Variants in SYT9 observed in about 807,000 individuals in gnomAD.
SYT9 encodes the protein synaptotagmin-9.
A neutral mutation model predicts 48.4 loss-of-function variants in SYT9; 22 were observed. The ratio of observed to expected loss-of-function variants is 0.45; its 90% CI spans 0.32 to 0.65. SYT9 has a LOEUF of 0.65. Ranked by LOEUF, SYT9 falls within the 30% of genes least tolerant of loss-of-function variation. The probability of loss-of-function intolerance (pLI) is 0.03; values close to 1 mark genes in which losing one functional copy is unlikely to be tolerated. For missense variants in SYT9, 577 were observed against 622.0 expected (o/e 0.93, Z 0.77); for synonymous variants, 265 against 245.0 (o/e 1.08, Z -0.76).
chr11:7,243,106 G>GAAAGAACATTTCTGAAAAGT (rs1226888058), intron 1 of SYT9, among the ~76,000 whole-genome samples: 2 of 151,174 alleles, frequency 1.3e-5, no homozygotes, highest in Non-Finnish European at 3.0e-5. Context: ...TAACATTTCT[G>GAAAGAACATTTCTGAAAAGT]AAAGAACATT....
At position 7,313,385 on chromosome 11, in the gene SYT9, T is replaced by C; in HGVS notation, c.498-10T>C. The C allele has an allele frequency of 6.3e-7, 1 of 1,598,798 alleles. No homozygotes were observed. Among genetic ancestry groups the C allele is most frequent in the South Asian group, 1.1e-5 (1 of 87,558 alleles). ...GTTATAACTTTGTTCTGTGTTGCTC[T>C]TCATTCAAGGCATAATTCAATCCGA... On this transcript the variant is annotated splice_polypyrimidine_tract_variant and intron_variant, in intron 2 of 6. Coordinates refer to ENST00000318881, the MANE Select transcript of SYT9 (RefSeq NM_175733.4).
chr11:7,432,580 AAAATATATATACATATATAT>A (rs1847617782), intron 6 of SYT9, among the ~76,000 whole-genome samples: 4 of 6,178 alleles, frequency 6.5e-4, no homozygotes, highest in African/African-American at 2.0e-3. Flanking sequence ...AAAAAAAAAA[AAAATATATATACATATATAT>A]ATATATATAT....
chr11:7,442,385 C>T (rs976765736), intron 6 of SYT9, among the ~76,000 whole-genome samples: 12 of 152,160 alleles, frequency 7.9e-5, no homozygotes, highest in Non-Finnish European at 1.2e-4. Context: ...GTGTCAGACC[C>T]GTCTTTCGGA....
At chr11:7,463,255 G>T (rs185555457) in intron 6 of SYT9, among the ~76,000 whole-genome samples, 2 of 152,150 alleles carry the variant, frequency 1.3e-5, no homozygotes, top group African/African-American at 4.8e-5. Context: ...TTAAACCACC[G>T]TTACTGTCTC....
chr11:7,270,774 G>A, intron 1 of SYT9, among the ~76,000 whole-genome samples: 1 of 151,782 alleles, frequency 6.6e-6, no homozygotes, highest in South Asian at 2.1e-4. Flanking sequence ...TTAATTTCTT[G>A]TGAAAAGCTG....
intron 3 of SYT9, among the ~76,000 whole-genome samples, chr11:7,408,528 T>G (rs1263621734): frequency 6.6e-6 from 1 of 152,262 alleles, no homozygotes; most frequent in Non-Finnish European, 1.5e-5. Context: ...TAGTGTTTTG[T>G]AGTTTTTCTT....
intron 3 of SYT9, among the ~76,000 whole-genome samples, chr11:7,358,753 G>A (rs2134012740): frequency 6.6e-6 from 1 of 152,250 alleles, no homozygotes; most frequent in East Asian, 1.9e-4. Context: ...ATTGTCTAAT[G>A]TTAAGTCATC....
At chr11:7,426,122 T>G (rs74053659) in intron 6 of SYT9, among the ~76,000 whole-genome samples, 2,786 of 152,234 alleles carry the variant, frequency 0.018, 87 homozygotes, top group African/African-American at 0.063. Context: ...TTTCTCCTCT[T>G]CCTAGGAGTC....
chr11:7,463,969 G>A (rs1194527942), intron 6 of SYT9, among the ~76,000 whole-genome samples: 1 of 152,098 alleles, frequency 6.6e-6, no homozygotes, highest in African/African-American at 2.4e-5. Flanking sequence ...CTGGGTATGG[G>A]GACTGGTAAA....
intron 6 of SYT9, among the ~76,000 whole-genome samples, chr11:7,445,022 C>T (rs963822002): frequency 2.0e-5 from 3 of 152,186 alleles, no homozygotes; most frequent in Non-Finnish European, 4.4e-5. Context: ...AGTGCTGGAG[C>T]TGGCTTCACT....
At chr11:7,412,365 G>A (rs1001178388) in intron 3 of SYT9, among the ~76,000 whole-genome samples, 2 of 152,184 alleles carry the variant, frequency 1.3e-5, no homozygotes, top group Admixed American at 6.5e-5. Context: ...GATTATCTAT[G>A]ATGTTGGTTG....
At chr11:7,443,597 T>C (rs1234298255) in intron 6 of SYT9, among the ~76,000 whole-genome samples, 1 of 152,224 alleles carries the variant, frequency 6.6e-6, no homozygotes, top group African/African-American at 2.4e-5. Context: ...ATGTGCTCCG[T>C]TCTTCACCTT....
intron 4 of SYT9, among the ~76,000 whole-genome samples, chr11:7,417,394 A>G (rs1847272661): frequency 6.6e-6 from 1 of 152,142 alleles, no homozygotes; most frequent in African/African-American, 2.4e-5. Flanking sequence ...TTGCACCCCA[A>G]GGAAGCCTGT....
intron 1 of SYT9, among the ~76,000 whole-genome samples, chr11:7,265,702 C>G (rs1457332708): frequency 7.0e-6 from 1 of 143,402 alleles, no homozygotes; most frequent in Non-Finnish European, 1.5e-5. Context: ...AGTGAATTAT[C>G]TCAAATTATT....
chr11:7,259,412 T>C (rs1338184183), intron 1 of SYT9, among the ~76,000 whole-genome samples: 3 of 152,124 alleles, frequency 2.0e-5, no homozygotes, highest in Non-Finnish European at 4.4e-5. Flanking sequence ...AATAATGTCT[T>C]GTATTTATAG....
rs140708143 is a variant in SYT9, at chr11:7,261,631, A to C, written c.145+9300A>C. 6.9e-4 allele frequency among the ~76,000 whole-genome samples: 105 copies of C among 152,284 alleles called. No individual in the cohort carries two copies. In the East Asian group the frequency reaches 0.019, roughly 28 times the overall value. ...AAAGAGATCAAGACATAAAGACTAAACTGGCACCACTGAGAAGTTGACAAA... is the reference window on the plus strand; with the variant it reads ...AAAGAGATCAAGACATAAAGACTAACCTGGCACCACTGAGAAGTTGACAAA... On this transcript the variant is annotated intron_variant, in intron 1 of 6. Coordinates refer to ENST00000318881, the MANE Select transcript of SYT9 (RefSeq NM_175733.4).
chr11:7,296,727 G>A (rs985710125), intron 1 of SYT9, among the ~76,000 whole-genome samples: 1 of 152,064 alleles, frequency 6.6e-6, no homozygotes, highest in African/African-American at 2.4e-5. Context: ...TTAAATAAAG[G>A]CTTTGTATTT....
chr11:7,430,432 A>G (rs755682039), intron 6 of SYT9, among the ~76,000 whole-genome samples: 57 of 152,240 alleles, frequency 3.7e-4, no homozygotes, highest in Admixed American at 2.6e-3. Flanking sequence ...TGAATAAGGC[A>G]GGAAAACAAT....
At chr11:7,303,493 T>G in intron 2 of SYT9, 103 bp downstream of exon 2, 1 of 1,046,258 alleles carries the variant, frequency 9.6e-7, no homozygotes, top group Non-Finnish European at 1.3e-6. Context: ...ACCTTTTAGA[T>G]TTCTGTTCTG....
Sources: allele counts gnomAD v4.1 joint callset (sites outside exome capture counted in the v4.1 genomes callset), GRCh38; gene constraint gnomAD v4.1.1; transcripts MANE v1.5; gene names NCBI Gene and HGNC (gene_info 2026-07-23, HGNC 2026-07-21).